The following AFDN variants were observed in gnomAD, a reference collection of about 807,000 sequenced individuals.
The protein encoded by AFDN is afadin, adherens junction formation factor, also known as afadin.
AFDN carries 68 observed loss-of-function variants against 216.6 expected under a neutral mutation model. That is an observed-to-expected ratio of 0.31 (90% CI 0.26 to 0.38). AFDN has a LOEUF of 0.38. AFDN is among the 10% of genes least tolerant of loss of function. The pLI, the probability that AFDN is intolerant of heterozygous loss-of-function variation, is 1.00. For synonymous variants in AFDN, 868 were observed against 853.7 expected (o/e 1.02, Z -0.29); for missense variants, 2,136 against 2,342.0 (o/e 0.91, Z 1.82).
At chr6:167,834,581 C>T (rs1036958170) in intron 1 of AFDN, among the ~76,000 whole-genome samples, 4 of 146,528 alleles carry the variant, frequency 2.7e-5, no homozygotes, top group African/African-American at 1.0e-4. Flanking sequence ...ACCCATGGAA[C>T]GATTCTTTTT....
intron 1 of AFDN, among the ~76,000 whole-genome samples, chr6:167,831,312 G>A (rs529331994): frequency 6.6e-6 from 1 of 152,280 alleles, no homozygotes; most frequent in African/African-American, 2.4e-5. Flanking sequence ...TGAGATGGAT[G>A]ATTGCCAATG....
At chr6:167,849,583 A>G (rs1782074429) in intron 1 of AFDN, among the ~76,000 whole-genome samples, 1 of 152,154 alleles carries the variant, frequency 6.6e-6, no homozygotes, top group Non-Finnish European at 1.5e-5. Flanking sequence ...CTTTGAGTTC[A>G]TGCCTATTGT....
At chr6:167,963,920 C>G in intron 31 of AFDN, 2 of 1,064,550 alleles carry the variant, frequency 1.9e-6, no homozygotes, top group Non-Finnish European at 2.3e-6. Flanking sequence ...TGTGCTTTTC[C>G]AGGTCAGTGC....
intron 23 of AFDN, among the ~76,000 whole-genome samples, chr6:167,936,451 A>G (rs1794010086): frequency 6.6e-6 from 1 of 152,238 alleles, no homozygotes; most frequent in Admixed American, 6.5e-5. Context: ...GACACTAATT[A>G]TTTTAATAAA....
At chr6:167,844,742 A>G (rs986633768) in intron 1 of AFDN, among the ~76,000 whole-genome samples, 5 of 152,120 alleles carry the variant, frequency 3.3e-5, no homozygotes, top group Non-Finnish European at 5.9e-5. Context: ...CTAACACTGC[A>G]TATTATGAAT....
intron 1 of AFDN, among the ~76,000 whole-genome samples, chr6:167,829,028 A>C (rs983917999): frequency 6.6e-6 from 1 of 152,166 alleles, no homozygotes; most frequent in Non-Finnish European, 1.5e-5. Context: ...GTTATACTGT[A>C]GGTGAAAGTT....
At chr6:167,868,673 T>C (rs571223185) in intron 2 of AFDN, among the ~76,000 whole-genome samples, 1 of 152,250 alleles carries the variant, frequency 6.6e-6, no homozygotes, top group East Asian at 1.9e-4. Context: ...AGTTGTCTCT[T>C]TAGTTATTAA....
At chr6:167,913,380 T>C (rs1435185119) in intron 15 of AFDN, 23 bp from the exon 16 acceptor site, 1 of 1,535,604 alleles carries the variant, frequency 6.5e-7, no homozygotes, top group Non-Finnish European at 8.7e-7. Flanking sequence ...CTGCTTGATT[T>C]CCCCTCGTCT....
chr6:167,907,344 G>C (rs1789837617), intron 13 of AFDN, 55 bp downstream of exon 13: 9 of 1,379,898 alleles, frequency 6.5e-6, no homozygotes, highest in Middle Eastern at 1.8e-4. Flanking sequence ...TCCTAAAAAA[G>C]GGTTGGGATA....
At chr6:167,899,640 TC>T (rs1463682993) in intron 11 of AFDN, among the ~76,000 whole-genome samples, 1 of 152,210 alleles carries the variant, frequency 6.6e-6, no homozygotes, top group Non-Finnish European at 1.5e-5. Flanking sequence ...TTTCTTCCCT[TC>T]AGCATCAAAA....
intron 3 of AFDN, 29 bp downstream of exon 3, chr6:167,870,527 C>T: frequency 6.9e-7 from 1 of 1,449,890 alleles, no homozygotes; most frequent in Non-Finnish European, 9.6e-7. Flanking sequence ...TTATGACGGT[C>T]TTGGTCCAGG....
chr6:167,859,248 C>A (rs1783262283), intron 1 of AFDN, among the ~76,000 whole-genome samples: 1 of 152,172 alleles, frequency 6.6e-6, no homozygotes, highest in Admixed American at 6.5e-5. Context: ...CTTCTGTCCT[C>A]TACCTAAAGC....
At chr6:167,943,598 T>C (rs991065767) in intron 25 of AFDN, 123 bp downstream of exon 25, 2 of 750,730 alleles carry the variant, frequency 2.7e-6, no homozygotes, top group Non-Finnish European at 4.7e-6. Context: ...TTACCTTTTA[T>C]AGTGTACGTG....
At position 167,929,190 on chromosome 6, in the gene AFDN, G is replaced by A. The variant is rs570720097; in HGVS notation, c.3099+4099G>A. Among the ~76,000 whole-genome samples, 307 of 151,758 alleles carry A rather than the reference G, an allele frequency of 2.0e-3. 1 individual carries two copies. The highest frequency in any genetic ancestry group is 7.1e-3 in the African/African-American group (293 of 41,356). On this transcript the variant is annotated intron_variant, in intron 23 of 33. Coordinates refer to ENST00000683244, the MANE Select transcript of AFDN (RefSeq NM_001386888.1). ...TTCAGAAAGACTATTACTGCCTATC[G>A]TGTGAAAAGTAGAGTGTAAATTTTC...
chr6:167,855,138 G>GA (rs1306040875), intron 1 of AFDN, among the ~76,000 whole-genome samples: 1 of 151,974 alleles, frequency 6.6e-6, no homozygotes, highest in Non-Finnish European at 1.5e-5. Flanking sequence ...GAGTTTAGTT[G>GA]ACACAGTTTT....
intron 12 of AFDN, among the ~76,000 whole-genome samples, 161 bp from the exon 13 acceptor site, chr6:167,907,010 C>T (rs554111989): frequency 2.0e-5 from 3 of 152,350 alleles, no homozygotes; most frequent in East Asian, 1.9e-4. Context: ...GGGCACTCCC[C>T]GTGGACATAG....
chr6:167,905,374 C>T (rs921942793), intron 12 of AFDN, among the ~76,000 whole-genome samples: 3 of 151,944 alleles, frequency 2.0e-5, no homozygotes, highest in Admixed American at 6.6e-5. Context: ...TTGAATGAGC[C>T]GAAGAAAACT....
Position 167,962,513 on chromosome 6 carries a change from G to A in AFDN, c.4914G>A (p.Glu1638=), listed in dbSNP as rs757640428. ...KREAEDRARQ[E]EERRRQEEER... ...AAGCGGAAGACCGAGCGAGGCAAGA[G>A]GAAGAGCGCCGGCGGCAGGAGGAGG... is the stretch of plus-strand genomic sequence containing the variant. Residue 1638 remains glutamate (E), a synonymous_variant, in exon 31 of 34, where the codon GAG becomes GAA. Coordinates refer to ENST00000683244, the MANE Select transcript of AFDN (RefSeq NM_001386888.1). The surrounding 1 kb of genome is among the most constrained non-coding windows in gnomAD (Gnocchi z 5.2). 4.3e-6 allele frequency: 7 copies of A among 1,613,870 alleles called. No individual in the cohort carries two copies. Among genetic ancestry groups the A allele is most frequent in the Middle Eastern group, 1.7e-4 (1 of 6,060 alleles).
In AFDN at chr6:167,875,506, G is replaced by A. The variant is rs778905310; in HGVS notation, c.739+11G>A. 2 of 1,612,368 alleles carry A rather than the reference G, an allele frequency of 1.2e-6. No homozygotes were observed. The highest frequency in any genetic ancestry group is 1.3e-5 in the African/African-American group (1 of 74,742). ...GGCGGCCTGATTCAGGTACAACTTGGTATTTTTTCTCTGTTCTACCTGTTA... is the reference window on the plus strand; with the variant it reads ...GGCGGCCTGATTCAGGTACAACTTGATATTTTTTCTCTGTTCTACCTGTTA... On this transcript the variant is annotated intron_variant, in intron 5 of 33. Transcript: ENST00000683244.
Sources: allele counts gnomAD v4.1 joint callset (sites outside exome capture counted in the v4.1 genomes callset), GRCh38; gene constraint gnomAD v4.1.1; non-coding constraint Gnocchi (gnomAD v3.1); transcripts MANE v1.5; gene names NCBI Gene and HGNC (gene_info 2026-07-23, HGNC 2026-07-21).